TMEM181: variants seen among roughly 807,000 people sequenced by gnomAD.
TMEM181 encodes transmembrane protein 181.
Under a neutral mutation model 71.9 loss-of-function variants are expected in TMEM181, and 39 were observed. The observed-to-expected ratio is 0.54, with a 90% CI of 0.42 to 0.71. TMEM181 has a LOEUF of 0.71. TMEM181 is among the 30% of genes least tolerant of loss of function. TMEM181 has a pLI of 0.00. For missense variants in TMEM181, 595 were observed against 583.0 expected (o/e 1.02, Z -0.21); for synonymous variants, 245 against 228.8 (o/e 1.07, Z -0.64).
chr6:158,558,813 A>G (rs963657529), upstream of TMEM181, among the ~76,000 whole-genome samples: 1 of 152,134 alleles, frequency 6.6e-6, no homozygotes, highest in African/African-American at 2.4e-5. Flanking sequence ...TCTGTAATTT[A>G]ACAGGCTCCG....
chr6:158,549,108 T>G (rs964263785), intron 1 of TMEM181, among the ~76,000 whole-genome samples: 2 of 117,500 alleles, frequency 1.7e-5, no homozygotes, highest in Non-Finnish European at 3.4e-5. Flanking sequence ...ATGTGCACAC[T>G]TCTTTTTTTT....
At chr6:158,554,897 C>T (rs555122631) in intron 1 of TMEM181, among the ~76,000 whole-genome samples, 2 of 152,264 alleles carry the variant, frequency 1.3e-5, no homozygotes, top group East Asian at 1.9e-4. Context: ...TTATTTGCCC[C>T]GATAGGTAAT....
chr6:158,563,649 A>G (rs894118), intron 1 of TMEM181, among the ~76,000 whole-genome samples: 92,483 of 152,118 alleles, frequency 0.61, 28,858 homozygotes, highest in East Asian at 0.76. Flanking sequence ...CCTGGGTAGG[A>G]TATTTGCTGA....
intron 1 of TMEM181, among the ~76,000 whole-genome samples, chr6:158,548,918 G>T (rs1252061016): frequency 6.6e-6 from 1 of 152,208 alleles, no homozygotes; most frequent in Non-Finnish European, 1.5e-5. Flanking sequence ...TTGGGAGGCT[G>T]GTGCCTCCTT....
intron 1 of TMEM181, chr6:158,572,349 G>C (rs1040019352): frequency 1.3e-5 from 6 of 455,336 alleles, no homozygotes; most frequent in African/African-American, 1.2e-4. Context: ...GCGGCTGCCT[G>C]TCCCTGAGGT....
intron 8 of TMEM181, 123 bp downstream of exon 8, chr6:158,607,466 C>A: frequency 1.2e-6 from 1 of 842,782 alleles, no homozygotes; most frequent in Non-Finnish European, 1.9e-6. Context: ...CTGCTTGAAG[C>A]CAGGAGTTTA....
At chr6:158,570,531 G>C (rs1177837076) in intron 1 of TMEM181, among the ~76,000 whole-genome samples, 6 of 151,840 alleles carry the variant, frequency 4.0e-5, no homozygotes, top group Non-Finnish European at 7.4e-5. Context: ...ATGAGCCACT[G>C]CGCCCGGCCC....
At chr6:158,584,200 T>G (rs1783633987) in intron 4 of TMEM181, among the ~76,000 whole-genome samples, 156 bp downstream of exon 4, 1 of 152,242 alleles carries the variant, frequency 6.6e-6, no homozygotes, top group African/African-American at 2.4e-5. Context: ...GGAAACCCCT[T>G]AAATGTCTTC....
At chr6:158,584,586 C>T (rs1020206096) in intron 4 of TMEM181, among the ~76,000 whole-genome samples, 9 of 152,354 alleles carry the variant, frequency 5.9e-5, no homozygotes, top group Non-Finnish European at 1.0e-4. Context: ...TGTCAGTCTA[C>T]AGTGGCACTA....
chr6:158,614,227 A>C (rs1785485178), intron 10 of TMEM181, among the ~76,000 whole-genome samples: 1 of 152,206 alleles, frequency 6.6e-6, no homozygotes, highest in Admixed American at 6.5e-5. Context: ...TTGAGACTAA[A>C]GTTTGATTTG....
Position 158,548,348 on chromosome 6 carries a change from G to A in TMEM181, c.131+11483G>A, listed in dbSNP as rs145142190. The stretch of plus-strand genomic sequence containing the variant: ...TATTGCTCTAGGTTCTGTGTTTGAG[G>A]GAACCCAGCTGCTAAGACATTCTTT... On this transcript the variant is annotated intron_variant, in intron 1 of 16. Transcript: ENST00000367090. Among the ~76,000 whole-genome samples, 398 of 152,196 alleles carry A rather than the reference G, an allele frequency of 2.6e-3. 2 individuals carry two copies. Among genetic ancestry groups the A allele is most frequent in the African/African-American group, 9.3e-3 (385 of 41,500 alleles).
intron 1 of TMEM181, among the ~76,000 whole-genome samples, chr6:158,565,498 C>T (rs1480752725): frequency 6.6e-6 from 1 of 152,128 alleles, no homozygotes; most frequent in Non-Finnish European, 1.5e-5. Flanking sequence ...AAGCAGAGGG[C>T]CAAAGCCAGA....
At chr6:158,618,876 C>G (rs1042390066) in intron 10 of TMEM181, among the ~76,000 whole-genome samples, 2 of 152,218 alleles carry the variant, frequency 1.3e-5, no homozygotes, top group African/African-American at 4.8e-5. Context: ...TTCTGATGGG[C>G]TTCCCTTTGT....
At chr6:158,605,035 A>C (rs1168757292) in intron 6 of TMEM181, among the ~76,000 whole-genome samples, 1 of 151,210 alleles carries the variant, frequency 6.6e-6, no homozygotes, top group East Asian at 1.9e-4. Context: ...AAGTGATTGA[A>C]CCTGGGAGGC....
At chr6:158,628,289 C>A in intron 13 of TMEM181, 119 bp from the exon 14 acceptor site, 1 of 884,580 alleles carries the variant, frequency 1.1e-6, no homozygotes, top group Non-Finnish European at 1.8e-6. Flanking sequence ...TGGAAGTTCC[C>A]ATGCAGAAAT....
At chr6:158,543,548 C>G (rs575102706) in intron 1 of TMEM181, among the ~76,000 whole-genome samples, 1 of 152,242 alleles carries the variant, frequency 6.6e-6, no homozygotes, top group Non-Finnish European at 1.5e-5. Context: ...GAGTTGTCTC[C>G]TCCTGAGGGA....
At chr6:158,541,730 G>A (rs77571486) in intron 1 of TMEM181, among the ~76,000 whole-genome samples, 7 of 152,194 alleles carry the variant, frequency 4.6e-5, no homozygotes, top group African/African-American at 1.4e-4. Context: ...ATTTCCTGAC[G>A]CATCTGTACT....
intron 3 of TMEM181, among the ~76,000 whole-genome samples, 165 bp downstream of exon 3, chr6:158,581,160 T>C (rs1783448330): frequency 6.6e-6 from 1 of 152,224 alleles, no homozygotes; most frequent in Non-Finnish European, 1.5e-5. Flanking sequence ...TCTGGGTTCT[T>C]GTTTGCTAAA....
chr6:158,553,917 T>C (rs1335776949), intron 1 of TMEM181, among the ~76,000 whole-genome samples: 3 of 152,064 alleles, frequency 2.0e-5, no homozygotes, highest in Non-Finnish European at 4.4e-5. Context: ...TATTTTTATT[T>C]TTTTTTTGAG....
Sources: allele counts gnomAD v4.1 joint callset (sites outside exome capture counted in the v4.1 genomes callset), GRCh38; gene constraint gnomAD v4.1.1; transcripts MANE v1.5; gene names NCBI Gene and HGNC (gene_info 2026-07-23, HGNC 2026-07-21).